Variants in PTP4A3 observed in about 807,000 individuals in gnomAD.
The protein encoded by PTP4A3 is protein tyrosine phosphatase type IVA 3.
PTP4A3 carries 9 observed loss-of-function variants against 15.2 expected under a neutral mutation model. The ratio of observed to expected loss-of-function variants is 0.59; its 90% CI spans 0.36 to 1.03. The LOEUF is 1.03. PTP4A3 is among the 50% of genes least tolerant of loss of function. PTP4A3 has a pLI of 0.02. For synonymous variants in PTP4A3, 95 were observed against 102.0 expected, an observed-to-expected ratio of 0.93 and a Z score of 0.41; for missense variants, 234 against 252.1, an observed-to-expected ratio of 0.93 and a Z score of 0.49.
At chr8:141,409,233 C>A (rs866915735) in intron 1 of PTP4A3, among the ~76,000 whole-genome samples, 8 of 152,352 alleles carry the variant, frequency 5.3e-5, no homozygotes, top group Middle Eastern at 3.4e-3. Context: ...GTGTGAATGG[C>A]CTGGCCACAG....
In PTP4A3 at chr8:141,422,325, A is replaced by AG; in HGVS notation, c.85_86insG (p.Thr29SerfsTer7). On this transcript the variant is annotated frameshift_variant, in exon 2 of 6. Coordinates refer to ENST00000521578, the MANE Select transcript of PTP4A3 (RefSeq NM_032611.3). LOFTEE classifies it high-confidence loss of function. Reference sequence around the variant, plus strand: ...CATCACCCACAACCCCACCAACGCCACGCTCAGCACCTTCATTGAGGTGAG... The same window carrying AG: ...CATCACCCACAACCCCACCAACGCCAGCGCTCAGCACCTTCATTGAGGTGAG... 6.2e-7 allele frequency: 1 copy of AG among 1,613,414 alleles called. No individual in the cohort carries two copies. Among genetic ancestry groups the AG allele is most frequent in the South Asian group, 1.1e-5 (1 of 91,082 alleles).
Position 141,431,020 on chromosome 8 carries a change from C to T in PTP4A3, c.498C>T (p.His166=). The part of the protein sequence containing the change: ...QRLRFKDPHT[H]KTRCCVM ...TGCGGTTCAAAGACCCACACACGCA[C>T]AAGACCCGGTGCTGCGTTATGTAGC... The change falls in exon 6 of 6, where the codon CAC becomes CAT. Residue 166 remains histidine (H), a synonymous_variant. Transcript: ENST00000521578. The T allele has an allele frequency of 6.2e-7, 1 of 1,613,256 alleles. No homozygotes were observed. The highest frequency in any genetic ancestry group is 1.1e-5 in the South Asian group (1 of 91,086).
At chr8:141,402,235 A>T (rs1203527882) in intron 1 of PTP4A3, among the ~76,000 whole-genome samples, 1 of 152,148 alleles carries the variant, frequency 6.6e-6, no homozygotes, top group Non-Finnish European at 1.5e-5. Context: ...GGCTGAAGGC[A>T]TGGATGGGAC....
intron 5 of PTP4A3, 147 bp from the exon 6 acceptor site, chr8:141,430,780 G>A (rs1177234225): frequency 5.7e-6 from 4 of 706,804 alleles, no homozygotes; most frequent in Non-Finnish European, 4.9e-6. Context: ...GGGAGCAGCC[G>A]TGCCAAGGCC....
At chr8:141,409,646 C>T (rs562993410) in intron 1 of PTP4A3, among the ~76,000 whole-genome samples, 15 of 152,346 alleles carry the variant, frequency 9.8e-5, no homozygotes, top group African/African-American at 3.6e-4. Flanking sequence ...GTGTGTTCCC[C>T]ACCTGCCTGC....
At chr8:141,402,771 GC>G (rs1486832769) in intron 1 of PTP4A3, among the ~76,000 whole-genome samples, 3 of 149,348 alleles carry the variant, frequency 2.0e-5, no homozygotes, top group African/African-American at 7.4e-5. Flanking sequence ...TTTAGAAGGT[GC>G]CTACTCATGA....
At chr8:141,400,739 C>T (rs1832569502) in intron 1 of PTP4A3, among the ~76,000 whole-genome samples, 1 of 152,178 alleles carries the variant, frequency 6.6e-6, no homozygotes, top group South Asian at 2.1e-4. Flanking sequence ...CTGTGTAGCT[C>T]CTGCCTCCCC....
At chr8:141,420,031 A>G (rs1833254650) in intron 1 of PTP4A3, among the ~76,000 whole-genome samples, 1 of 152,130 alleles carries the variant, frequency 6.6e-6, no homozygotes, top group African/African-American at 2.4e-5. Flanking sequence ...CTCTGAGTCC[A>G]GGGGCCCAGG....
intron 1 of PTP4A3, among the ~76,000 whole-genome samples, chr8:141,401,011 G>C (rs578104114): frequency 1.3e-5 from 2 of 152,244 alleles, no homozygotes; most frequent in Admixed American, 1.3e-4. Flanking sequence ...GGCAAGCCGG[G>C]TGAGGACAGG....
intron 3 of PTP4A3, 104 bp from the exon 4 acceptor site, chr8:141,426,835 C>T (rs1833596563): frequency 6.7e-7 from 1 of 1,494,772 alleles, no homozygotes. Context: ...TAGTGGGCTC[C>T]TGGCACCCTC....
chr8:141,429,691 C>T (rs1420917204), intron 5 of PTP4A3, among the ~76,000 whole-genome samples: 2 of 72,794 alleles, frequency 2.7e-5, no homozygotes, highest in African/African-American at 5.1e-5. Flanking sequence ...GACCAGGTGG[C>T]GGGGACAGGG....
At chr8:141,400,611 G>C (rs1331970651) in intron 1 of PTP4A3, among the ~76,000 whole-genome samples, 1 of 152,236 alleles carries the variant, frequency 6.6e-6, no homozygotes, top group Non-Finnish European at 1.5e-5. Context: ...CAGCCAGGAT[G>C]TGCGTCTCGG....
intron 1 of PTP4A3, among the ~76,000 whole-genome samples, chr8:141,401,980 G>A (rs1322816710): frequency 6.6e-6 from 1 of 152,210 alleles, no homozygotes; most frequent in Non-Finnish European, 1.5e-5. Context: ...GTGATGCCAG[G>A]GCCATTCCTC....
chr8:141,400,244 C>T (rs1160550657), intron 1 of PTP4A3, among the ~76,000 whole-genome samples: 4 of 152,026 alleles, frequency 2.6e-5, no homozygotes, highest in East Asian at 3.9e-4. Context: ...GCGCCTGGCC[C>T]GCCTCTGCAC....
rs368068036 is a variant in PTP4A3 at position 141,401,427 on chromosome 8, TC to T, written c.-854+9348del. On this transcript the variant is annotated intron_variant, in intron 1 of 5. Coordinates refer to ENST00000521578, the MANE Select transcript of PTP4A3 (RefSeq NM_032611.3). Reference sequence around the variant, plus strand: ...TAACTTGCCTGCCTGTGCTTCAGTGTCCCCCTCTGTAAACAGGGTGTGACGT... The same window carrying T: ...TAACTTGCCTGCCTGTGCTTCAGTGTCCCCTCTGTAAACAGGGTGTGACGT... 2.6e-3 allele frequency among the ~76,000 whole-genome samples: 403 copies of T among 152,192 alleles called. 2 individuals carry two copies. Among genetic ancestry groups the T allele is most frequent in the African/African-American group, 9.2e-3 (380 of 41,522 alleles).
chr8:141,422,327 G>A lies in PTP4A3; in HGVS notation c.87G>A (p.Thr29=), dbSNP rs1285951161. ...FLITHNPTNA[T]LSTFIEDLKK... is the part of the protein sequence containing the mutation. ...TCACCCACAACCCCACCAACGCCACGCTCAGCACCTTCATTGAGGTGAGTG... is the reference window on the plus strand; with the variant it reads ...TCACCCACAACCCCACCAACGCCACACTCAGCACCTTCATTGAGGTGAGTG... The change falls in exon 2 of 6, where the codon ACG becomes ACA. Residue 29 remains threonine (T), a synonymous_variant. Transcript: ENST00000521578. 6.2e-7 allele frequency: 1 copy of A among 1,613,428 alleles called. No individual in the cohort carries two copies. The highest frequency in any genetic ancestry group is 1.7e-4 in the Middle Eastern group (1 of 6,060).
rs954480246 is a variant in PTP4A3 at position 141,422,096 on chromosome 8, G to C, written c.-145G>C. On this transcript the variant is annotated 5_prime_UTR_variant, in exon 2 of 6. Coordinates refer to ENST00000521578, the MANE Select transcript of PTP4A3 (RefSeq NM_032611.3). ...GCACAATATTTGTGCGGGGTATGGG[G>C]GTGGGTTTTTAAATCTCGTTTCTCT... is the stretch of plus-strand genomic sequence containing the variant. 1.4e-6 allele frequency: 1 copy of C among 704,692 alleles called. No individual in the cohort carries two copies. Among genetic ancestry groups the C allele is most frequent in the African/African-American group, 1.8e-5 (1 of 55,940 alleles). 43.7% of individuals were successfully genotyped at this position (704,692 alleles called of 1,614,324 possible).
At chr8:141,426,037 A>C (rs892724003) in intron 3 of PTP4A3, among the ~76,000 whole-genome samples, 10 of 152,112 alleles carry the variant, frequency 6.6e-5, no homozygotes, top group African/African-American at 2.4e-4. Flanking sequence ...CTCCCCTTCC[A>C]CAGCAGCGGG....
At chr8:141,414,061 CGT>C (rs10571256) in intron 1 of PTP4A3, among the ~76,000 whole-genome samples, 52,640 of 149,778 alleles carry the variant, frequency 0.35, 9,632 homozygotes, top group East Asian at 0.58. Flanking sequence ...GTTTCTGTGG[CGT>C]GTGTGTGTGT....
Sources: allele counts gnomAD v4.1 joint callset (sites outside exome capture counted in the v4.1 genomes callset), GRCh38; gene constraint gnomAD v4.1.1; transcripts MANE v1.5; gene names NCBI Gene and HGNC (gene_info 2026-07-23, HGNC 2026-07-21).